Variants in KCNAB1 observed in about 807,000 individuals in gnomAD.
The protein encoded by KCNAB1 is voltage-gated potassium channel subunit beta-1.
A neutral mutation model predicts 64.6 loss-of-function variants in KCNAB1; 35 were observed. The ratio of observed to expected loss-of-function variants is 0.54; its 90% CI spans 0.41 to 0.72. The LOEUF (loss-of-function observed/expected upper bound fraction) is 0.72. KCNAB1 is among the 30% of genes least tolerant of loss of function. KCNAB1 has a pLI of 0.00. For synonymous variants in KCNAB1, 177 were observed against 183.8 expected (o/e 0.96, Z 0.30); for missense variants, 401 against 512.9 (o/e 0.78, Z 2.11).
intron 3 of KCNAB1, chr3:156,457,245 C>A: frequency 1.5e-6 from 2 of 1,363,578 alleles, no homozygotes; most frequent in East Asian, 5.8e-5. Context: ...TCAAGTAACC[C>A]CTCAGTGCCC....
In KCNAB1 at chr3:156,537,264, A is replaced by G. The variant is rs1719122396; in HGVS notation, c.*517A>G. The G allele has an allele frequency of 2.6e-6, 1 of 388,338 alleles. No individual in the cohort carries two copies. 24.1% of individuals were successfully genotyped at this position (388,338 alleles called of 1,614,324 possible). On this transcript the variant is annotated 3_prime_UTR_variant, in exon 14 of 14. Coordinates refer to ENST00000490337, the MANE Select transcript of KCNAB1 (RefSeq NM_172160.3). ...GCAAAAAAAAAAAAGCAGTATCTTC[A>G]CTCAAAAGTCTTGCTTGGAAGAATA... is the stretch of plus-strand genomic sequence containing the variant.
chr3:156,457,209 A>G, intron 3 of KCNAB1: 2 of 1,301,656 alleles, frequency 1.5e-6, no homozygotes, highest in Non-Finnish European at 2.0e-6. Flanking sequence ...AAATCTATCC[A>G]CTTTGGGCAG....
intron 1 of KCNAB1, among the ~76,000 whole-genome samples, chr3:156,364,121 C>T (rs1725794292): frequency 6.6e-6 from 1 of 152,144 alleles, no homozygotes; most frequent in Non-Finnish European, 1.5e-5. Context: ...GGTGGCATGC[C>T]AAGGAGGGCA....
intron 1 of KCNAB1, among the ~76,000 whole-genome samples, chr3:156,303,190 C>T (rs966485451): frequency 6.6e-6 from 1 of 152,186 alleles, no homozygotes; most frequent in African/African-American, 2.4e-5. Context: ...TTCCAAAGAC[C>T]TACAGCTCTC....
At chr3:156,232,664 C>T (rs576695693) in intron 1 of KCNAB1, among the ~76,000 whole-genome samples, 77 of 152,324 alleles carry the variant, frequency 5.1e-4, no homozygotes, top group Middle Eastern at 3.4e-3. Flanking sequence ...GGTGGTTTTT[C>T]ACTCCAAAGT....
intron 1 of KCNAB1, among the ~76,000 whole-genome samples, chr3:156,312,934 G>T (rs1384092808): frequency 1.3e-5 from 2 of 152,068 alleles, no homozygotes; most frequent in Non-Finnish European, 2.9e-5. Context: ...GCTCCAGCTG[G>T]ATCAACTAGC....
intron 1 of KCNAB1, among the ~76,000 whole-genome samples, chr3:156,335,036 G>T (rs1166761549): frequency 6.6e-6 from 1 of 152,144 alleles, no homozygotes; most frequent in Non-Finnish European, 1.5e-5. Context: ...AAACAAATCG[G>T]ATCACAATGC....
intron 1 of KCNAB1, among the ~76,000 whole-genome samples, chr3:156,351,191 G>A (rs1281833478): frequency 2.0e-5 from 3 of 152,224 alleles, no homozygotes; most frequent in Admixed American, 6.5e-5. Flanking sequence ...CTCTTGGTTG[G>A]CCACACTGAG....
At chr3:156,435,435 TTTG>T (rs1235712619) in intron 2 of KCNAB1, among the ~76,000 whole-genome samples, 1 of 152,140 alleles carries the variant, frequency 6.6e-6, no homozygotes, top group East Asian at 1.9e-4. Context: ...GTCTCTATAG[TTTG>T]TTAATTTCCC....
At chr3:156,292,270 T>C in intron 1 of KCNAB1, 1 of 917,096 alleles carries the variant, frequency 1.1e-6, no homozygotes, top group Non-Finnish European at 1.7e-6. Context: ...AAATAGCTCT[T>C]TAGGGGGATG....
chr3:156,430,872 T>C lies in KCNAB1; in HGVS notation c.319+9213T>C, dbSNP rs74365133. On this transcript the variant is annotated intron_variant, in intron 2 of 13. Transcript: ENST00000490337. ...TAGTCAGGTGATGTCATGATTAGGT[T>C]CGGCATGACTCTGGGTTGGCAGCTT... 5.3e-5 allele frequency among the ~76,000 whole-genome samples: 8 copies of C among 152,292 alleles called. No individual in the cohort carries two copies. In the East Asian group the frequency reaches 1.5e-3, roughly 29 times the overall value.
At chr3:156,122,770 A>T (rs2108252593) in intron 1 of KCNAB1, among the ~76,000 whole-genome samples, 1 of 152,370 alleles carries the variant, frequency 6.6e-6, no homozygotes, top group East Asian at 1.9e-4. Context: ...GATTATTTCC[A>T]GGAAGAAACG....
At chr3:156,490,678 G>T (rs1182511004) in intron 8 of KCNAB1, among the ~76,000 whole-genome samples, 1 of 152,040 alleles carries the variant, frequency 6.6e-6, no homozygotes, top group Non-Finnish European at 1.5e-5. Flanking sequence ...ATGGACAATA[G>T]GAGAGAAAAG....
chr3:156,272,691 T>A (rs1422839251), intron 1 of KCNAB1, among the ~76,000 whole-genome samples: 1 of 151,952 alleles, frequency 6.6e-6, no homozygotes, highest in Non-Finnish European at 1.5e-5. Context: ...GCCCTCTTGG[T>A]GCTCCTCCCC....
chr3:156,159,251 C>G (rs1366743114), intron 1 of KCNAB1, among the ~76,000 whole-genome samples: 1 of 152,062 alleles, frequency 6.6e-6, no homozygotes, highest in Non-Finnish European at 1.5e-5. Context: ...ATTCTTAGCT[C>G]TCTTCTTGCT....
chr3:156,362,108 CATCTAT>C (rs1560217371), intron 1 of KCNAB1, among the ~76,000 whole-genome samples: 1 of 152,084 alleles, frequency 6.6e-6, no homozygotes, highest in Non-Finnish European at 1.5e-5. Context: ...GCTCTATATC[CATCTAT>C]ATCTATATAT....
At chr3:156,368,452 G>C (rs920169039) in intron 1 of KCNAB1, among the ~76,000 whole-genome samples, 2 of 152,104 alleles carry the variant, frequency 1.3e-5, no homozygotes, top group Admixed American at 1.3e-4. Context: ...TTAGAGACAG[G>C]GTCTCTCTCT....
intron 1 of KCNAB1, among the ~76,000 whole-genome samples, chr3:156,358,909 T>C (rs1320918942): frequency 1.3e-5 from 2 of 152,208 alleles, no homozygotes; most frequent in African/African-American, 4.8e-5. Context: ...TATGGATTCC[T>C]ATAAAGTTTT....
At chr3:156,147,898 A>C (rs1715132917) in intron 1 of KCNAB1, among the ~76,000 whole-genome samples, 1 of 150,482 alleles carries the variant, frequency 6.6e-6, no homozygotes, top group Admixed American at 6.6e-5. Context: ...AGCTTTCCAT[A>C]TTTATTCCCA....
Sources: allele counts gnomAD v4.1 joint callset (sites outside exome capture counted in the v4.1 genomes callset), GRCh38; gene constraint gnomAD v4.1.1; transcripts MANE v1.5; gene names NCBI Gene and HGNC (gene_info 2026-07-23, HGNC 2026-07-21).